Variants in RHOU observed in about 807,000 individuals in gnomAD.
RHOU encodes ras homolog family member U, also known as rho-related GTP-binding protein RhoU.
In RHOU, 8 loss-of-function variants were observed where a neutral mutation model predicts 12.6. The ratio of observed to expected loss-of-function variants is 0.64; its 90% CI spans 0.37 to 1.15. The LOEUF (loss-of-function observed/expected upper bound fraction) is 1.15, where lower values mean the gene tolerates loss of function less well. Ranked by LOEUF, RHOU falls within the 50% of genes most tolerant of loss-of-function variation. The pLI is 0.01. For synonymous variants in RHOU, 161 were observed against 147.4 expected (o/e 1.09, Z -0.67); for missense variants, 258 against 347.0 (o/e 0.74, Z 2.04).
chr1:228,713,243 A>G, the RHOU span, among the ~76,000 whole-genome samples: 1 of 152,148 alleles, frequency 6.6e-6, no homozygotes, highest in African/African-American at 2.4e-5. Flanking sequence ...CCACTGCCCA[A>G]TCTCCAGGGA....
chr1:228,686,821 A>G, the RHOU span, among the ~76,000 whole-genome samples: 1 of 151,882 alleles, frequency 6.6e-6, no homozygotes, highest in African/African-American at 2.4e-5. Context: ...GCTCACTGCA[A>G]CCTCCGCTTC....
At chr1:228,662,505 A>G in the RHOU span, among the ~76,000 whole-genome samples, 2 of 152,232 alleles carry the variant, frequency 1.3e-5, no homozygotes, top group African/African-American at 4.8e-5. Flanking sequence ...GCTGCCACAA[A>G]AAAGGATGAG....
chr1:228,653,559 T>G, the RHOU span, among the ~76,000 whole-genome samples: 1 of 152,180 alleles, frequency 6.6e-6, no homozygotes, highest in African/African-American at 2.4e-5. Flanking sequence ...CCTCAGGTGA[T>G]CCACCCACTT....
the RHOU span, among the ~76,000 whole-genome samples, chr1:228,710,090 C>T: frequency 2.6e-5 from 4 of 152,194 alleles, no homozygotes; most frequent in Admixed American, 6.5e-5. Context: ...GACATATACA[C>T]TCTCCCAGGA....
At chr1:228,695,573 C>T in the RHOU span, among the ~76,000 whole-genome samples, 2 of 152,142 alleles carry the variant, frequency 1.3e-5, no homozygotes, top group Non-Finnish European at 2.9e-5. Flanking sequence ...ACCACTTCCT[C>T]CTTGAGTTTG....
the RHOU span, among the ~76,000 whole-genome samples, chr1:228,716,208 A>G: frequency 2.0e-5 from 3 of 151,596 alleles, no homozygotes; most frequent in African/African-American, 7.3e-5. Context: ...GTCAGCCACC[A>G]CTCCAGGTGG....
At chr1:228,739,871 G>A (rs1166523336) in intron 2 of RHOU, among the ~76,000 whole-genome samples, 2 of 152,240 alleles carry the variant, frequency 1.3e-5, no homozygotes, top group African/African-American at 4.8e-5. Flanking sequence ...TTAATCTCGT[G>A]GTTTTAGAAT....
chr1:228,662,501 A>T, the RHOU span, among the ~76,000 whole-genome samples: 1 of 152,208 alleles, frequency 6.6e-6, no homozygotes, highest in Non-Finnish European at 1.5e-5. Context: ...CTATGCTGCC[A>T]CAAAAAAGGA....
chr1:228,712,348 G>A, the RHOU span, among the ~76,000 whole-genome samples: 1 of 149,520 alleles, frequency 6.7e-6, no homozygotes, highest in Admixed American at 6.6e-5. Flanking sequence ...CTGCTATAAA[G>A]ACACATGCAC....
the RHOU span, among the ~76,000 whole-genome samples, chr1:228,718,664 C>T: frequency 3.9e-5 from 6 of 152,150 alleles, no homozygotes; most frequent in Non-Finnish European, 7.3e-5. Flanking sequence ...GAAGCATATG[C>T]AGAATAAGTA....
At chr1:228,687,466 G>A in the RHOU span, 2 of 1,555,562 alleles carry the variant, frequency 1.3e-6, no homozygotes, top group East Asian at 4.5e-5. Flanking sequence ...CATGAGGAGA[G>A]GGAACATGCT....
chr1:228,695,065 G>A, the RHOU span, among the ~76,000 whole-genome samples: 1 of 152,106 alleles, frequency 6.6e-6, no homozygotes, highest in Non-Finnish European at 1.5e-5. Context: ...CGCCTCCCAG[G>A]CTCAAATGAT....
the RHOU span, among the ~76,000 whole-genome samples, chr1:228,684,405 T>C: frequency 6.6e-6 from 1 of 152,128 alleles, no homozygotes; most frequent in African/African-American, 2.4e-5. Flanking sequence ...TCTGGCACAT[T>C]GCAACCTCCA....
the RHOU span, among the ~76,000 whole-genome samples, chr1:228,706,984 G>A: frequency 2.7e-5 from 4 of 150,384 alleles, no homozygotes; most frequent in African/African-American, 9.8e-5. Context: ...GCTGTTGAAC[G>A]TGGTGGTGAT....
At chr1:228,721,697 G>T in the RHOU span, among the ~76,000 whole-genome samples, 1 of 152,208 alleles carries the variant, frequency 6.6e-6, no homozygotes, top group Non-Finnish European at 1.5e-5. Flanking sequence ...TTTCGCTCTG[G>T]TTGCCCAAGC....
the RHOU span, among the ~76,000 whole-genome samples, chr1:228,688,395 C>T: frequency 1.3e-5 from 2 of 152,180 alleles, no homozygotes; most frequent in Admixed American, 6.5e-5. Context: ...TGTGAGTTGG[C>T]AGCCTATGGA....
At chr1:228,695,661 G>T in the RHOU span, among the ~76,000 whole-genome samples, 1 of 152,206 alleles carries the variant, frequency 6.6e-6, no homozygotes, top group Non-Finnish European at 1.5e-5. Context: ...ACAAATGAAA[G>T]GGTGTGAAGG....
Position 228,746,088 on chromosome 1 carries a change from AT to A in RHOU, c.*2349del, listed in dbSNP as rs1324732102. Reference sequence around the variant, plus strand: ...ACACCTTGGACTGTTAGTGTTAAAAATCTAGTGGGTTGACCTTTAAATGCAA... The same window carrying A: ...ACACCTTGGACTGTTAGTGTTAAAAACTAGTGGGTTGACCTTTAAATGCAA... On this transcript the variant is annotated 3_prime_UTR_variant, in exon 3 of 3. Coordinates refer to ENST00000366691, the MANE Select transcript of RHOU (RefSeq NM_021205.6). 1 of 152,210 alleles carries A rather than the reference AT, an allele frequency of 6.6e-6. No individual in the cohort carries two copies. Among genetic ancestry groups the A allele is most frequent in the African/African-American group, 2.4e-5 (1 of 41,464 alleles). 9.4% of individuals were successfully genotyped at this position (152,210 alleles called of 1,614,324 possible).
chr1:228,735,651 G>A lies in RHOU; in HGVS notation c.-92G>A, dbSNP rs1662586439. The A allele has an allele frequency of 1.4e-5, 14 of 1,033,248 alleles. 1 individual carries two copies. The highest frequency in any genetic ancestry group is 1.4e-5 in the Non-Finnish European group (12 of 829,402). 64.0% of individuals were successfully genotyped at this position (1,033,248 alleles called of 1,614,324 possible). ...CGGGGACGCGCCCGCAGCTGTCGGT[G>A]ACAGCTCCTCCCTACCGCAACCCTC... On this transcript the variant is annotated 5_prime_UTR_variant, in exon 1 of 3. Transcript: ENST00000366691. This position sits in a 1 kb window ranked among gnomAD's most constrained non-coding sequence, Gnocchi z 8.1.
Sources: gnomAD v4.1 joint callset for allele counts (sites outside exome capture counted in the v4.1 genomes callset) on GRCh38, gnomAD v4.1.1 for gene constraint, Gnocchi (gnomAD v3.1) non-coding constraint, MANE v1.5 for transcripts, NCBI Gene and HGNC (gene_info 2026-07-23, HGNC 2026-07-21) for gene names.